NPSR1: variants seen among roughly 807,000 people sequenced by gnomAD.
The protein encoded by NPSR1 is neuropeptide S receptor.
NPSR1 carries 48 observed loss-of-function variants against 46.9 expected under a neutral mutation model. That is an observed-to-expected ratio of 1.02 (90% confidence interval 0.81 to 1.30). The LOEUF is 1.30. Among genes scored for constraint, NPSR1 ranks in the 50% most tolerant of loss-of-function variants. The probability of loss-of-function intolerance (pLI) is 0.00; values close to 1 mark genes in which losing one functional copy is unlikely to be tolerated. For missense variants in NPSR1, 450 were observed against 449.5 expected (o/e 1.00, Z -0.01); for synonymous variants, 176 against 168.1 (o/e 1.05, Z -0.36).
Position 34,848,878 on chromosome 7 carries a change from C to T in NPSR1, c.1025+215C>T, listed in dbSNP as rs145513632. 1.5e-3 allele frequency among the ~76,000 whole-genome samples: 225 copies of T among 152,342 alleles called. 3 individuals are homozygous for T. The highest frequency in any genetic ancestry group is 4.2e-3 in the East Asian group (22 of 5,178). ...TGTGCTTTTTCCTATACCACAACACCTCCTATAGAAACCGCCTTAATCATG... is the reference window on the plus strand; with the variant it reads ...TGTGCTTTTTCCTATACCACAACACTTCCTATAGAAACCGCCTTAATCATG... On this transcript the variant is annotated intron_variant, in intron 8 of 8. Transcript: ENST00000360581.
At chr7:34,722,850 T>C (rs762076703) in intron 2 of NPSR1, among the ~76,000 whole-genome samples, 2 of 151,682 alleles carry the variant, frequency 1.3e-5, no homozygotes, top group Non-Finnish European at 2.9e-5. Flanking sequence ...CTGGGAGGAG[T>C]TGGCAAGGCC....
intron 8 of NPSR1, among the ~76,000 whole-genome samples, chr7:34,856,335 C>T (rs1488552911): frequency 6.6e-6 from 1 of 151,592 alleles, no homozygotes; most frequent in Admixed American, 6.6e-5. Flanking sequence ...TTCCACATAG[C>T]AGCAATAAAT....
In NPSR1 at chr7:34,732,455, G is replaced by A. The variant is rs1020148829; in HGVS notation, c.281-46007G>A. ...GGAACTGGACCACTTGGGCACCAGA[G>A]GGTATGATTTTGATGTCATTTGTTT... On this transcript the variant is annotated intron_variant, in intron 2 of 8. Coordinates refer to ENST00000360581, the MANE Select transcript of NPSR1 (RefSeq NM_207172.2). Among the ~76,000 whole-genome samples the A allele has an allele frequency of 5.3e-5, 8 of 152,144 alleles. No individual in the cohort carries two copies. In the East Asian group the frequency reaches 1.5e-3, roughly 29 times the overall value.
At chr7:34,802,680 C>A (rs1296619094) in intron 3 of NPSR1, among the ~76,000 whole-genome samples, 1 of 150,230 alleles carries the variant, frequency 6.7e-6, no homozygotes, top group African/African-American at 2.5e-5. Context: ...TCTAAAACAC[C>A]AAAAGCAATG....
At chr7:34,794,413 A>C (rs1047424383) in intron 3 of NPSR1, among the ~76,000 whole-genome samples, 1 of 152,160 alleles carries the variant, frequency 6.6e-6, no homozygotes. Flanking sequence ...TATTATGAAC[A>C]ATCTTATCTC....
At position 34,834,883 on chromosome 7, in the gene NPSR1, T is replaced by C. The variant is rs147562029; in HGVS notation, c.757+423T>C. On this transcript the variant is annotated intron_variant, in intron 6 of 8. Coordinates refer to ENST00000360581, the MANE Select transcript of NPSR1 (RefSeq NM_207172.2). ...TTCAGATACATAAAGCTGCCATCTG[T>C]CCATAGAACAATCTTGGACCCTTAG... Among the ~76,000 whole-genome samples, 1,455 of 152,352 alleles carry C rather than the reference T, an allele frequency of 9.6e-3. 32 individuals are homozygous for C. Among genetic ancestry groups the C allele is most frequent in the African/African-American group, 0.034 (1,407 of 41,578 alleles).
At chr7:34,779,839 C>G (rs1439695909) in intron 3 of NPSR1, 1 of 198,080 alleles carries the variant, frequency 5.0e-6, no homozygotes, top group Non-Finnish European at 1.1e-5. Flanking sequence ...TATTATCTCA[C>G]AGTTTCTATT....
chr7:34,771,242 C>T (rs1786670022), intron 2 of NPSR1, among the ~76,000 whole-genome samples: 1 of 152,074 alleles, frequency 6.6e-6, no homozygotes, highest in Non-Finnish European at 1.5e-5. Flanking sequence ...CAAGACCAGC[C>T]TGGGCAACAT....
chr7:34,683,360 T>C (rs1246144828), intron 1 of NPSR1, among the ~76,000 whole-genome samples: 2 of 149,742 alleles, frequency 1.3e-5, no homozygotes, highest in East Asian at 3.9e-4. Flanking sequence ...GGCAGGAGAA[T>C]GGCATGAACC....
At chr7:34,732,887 G>A (rs190746293) in intron 2 of NPSR1, among the ~76,000 whole-genome samples, 37 of 152,278 alleles carry the variant, frequency 2.4e-4, no homozygotes, top group African/African-American at 8.9e-4. Context: ...TGGCCGTTAA[G>A]AGTGAAATTG....
At chr7:34,835,363 T>C (rs180840711) in intron 6 of NPSR1, among the ~76,000 whole-genome samples, 1 of 152,288 alleles carries the variant, frequency 6.6e-6, no homozygotes, top group Admixed American at 6.5e-5. Context: ...CAACAAGCTA[T>C]ACCACAAATA....
intron 7 of NPSR1, among the ~76,000 whole-genome samples, chr7:34,847,775 A>C (rs896668689): frequency 1.3e-5 from 2 of 152,208 alleles, no homozygotes; most frequent in African/African-American, 4.8e-5. Flanking sequence ...AAACGTCTTC[A>C]TACACAGCCA....
intron 8 of NPSR1, among the ~76,000 whole-genome samples, chr7:34,874,238 T>C (rs1791526112): frequency 6.6e-6 from 1 of 152,202 alleles, no homozygotes; most frequent in African/African-American, 2.4e-5. Context: ...GCAGTGCTTA[T>C]CTGTGTGCAC....
At chr7:34,824,333 A>G (rs1789723437) in intron 4 of NPSR1, among the ~76,000 whole-genome samples, 1 of 152,252 alleles carries the variant, frequency 6.6e-6, no homozygotes, top group Admixed American at 6.5e-5. Flanking sequence ...GGACAAGAGC[A>G]CATGGAAGAG....
At chr7:34,850,163 TTGCACCTCTTCTGCAGATAGCC>T (rs1790890788), downstream of NPSR1, among the ~76,000 whole-genome samples, 2 of 152,240 alleles carry the variant, frequency 1.3e-5, no homozygotes, top group African/African-American at 4.8e-5. Flanking sequence ...CATTGGTGCT[TTGCACCTCTTCTGCAGATAGCC>T]TCGGTTTGCA....
At chr7:34,685,259 G>A (rs1792868581) in intron 2 of NPSR1, among the ~76,000 whole-genome samples, 1 of 152,178 alleles carries the variant, frequency 6.6e-6, no homozygotes, top group Non-Finnish European at 1.5e-5. Flanking sequence ...CCTAGTAGAG[G>A]AATGGTGAAA....
At chr7:34,725,072 C>T (rs891483136) in intron 2 of NPSR1, among the ~76,000 whole-genome samples, 7 of 150,844 alleles carry the variant, frequency 4.6e-5, no homozygotes, top group Non-Finnish European at 7.4e-5. Context: ...CTCTGAAACC[C>T]TTCTAAGTAC....
At chr7:34,721,559 A>C (rs1024700463) in intron 2 of NPSR1, among the ~76,000 whole-genome samples, 3 of 152,212 alleles carry the variant, frequency 2.0e-5, no homozygotes, top group Non-Finnish European at 2.9e-5. Context: ...TTCCAACTGC[A>C]TGCCAGGCCC....
At chr7:34,686,068 C>T (rs1023671470) in intron 2 of NPSR1, 2 of 152,618 alleles carry the variant, frequency 1.3e-5, no homozygotes, top group African/African-American at 4.8e-5. Context: ...CATATTCTTT[C>T]AGAATGAAAG....
Sources: gnomAD v4.1 joint callset for allele counts (sites outside exome capture counted in the v4.1 genomes callset) on GRCh38, gnomAD v4.1.1 for gene constraint, MANE v1.5 for transcripts, NCBI Gene and HGNC (gene_info 2026-07-23, HGNC 2026-07-21) for gene names.